The following XYLB variants were observed in gnomAD, a reference collection of about 807,000 sequenced individuals.
The protein encoded by XYLB is xylulokinase.
Under a neutral mutation model 78.7 loss-of-function variants are expected in XYLB, and 62 were observed. The observed-to-expected ratio is 0.79, with a 90% confidence interval of 0.64 to 0.97. The LOEUF is 0.97. Among genes scored for constraint, XYLB ranks in the 50% least tolerant of loss-of-function variants. The pLI, the probability that XYLB is intolerant of heterozygous loss-of-function variation, is 0.00. For synonymous variants in XYLB, 245 were observed against 247.4 expected (o/e 0.99, Z 0.09); for missense variants, 687 against 676.8 (o/e 1.02, Z -0.17).
chr3:38,443,730 G>A, the XYLB span, among the ~76,000 whole-genome samples: 1 of 152,126 alleles, frequency 6.6e-6, no homozygotes. Context: ...TATCTTTTAG[G>A]ATAAATTGAC....
chr3:38,402,722 A>T (rs1030047965), intron 18 of XYLB, among the ~76,000 whole-genome samples: 8 of 152,136 alleles, frequency 5.3e-5, no homozygotes, highest in South Asian at 2.1e-4. Context: ...CTTAAAAAGA[A>T]TCCTTGACCA....
intron 18 of XYLB, among the ~76,000 whole-genome samples, chr3:38,406,806 A>G (rs1026944426): frequency 1.2e-4 from 18 of 152,220 alleles, no homozygotes; most frequent in Admixed American, 5.9e-4. Flanking sequence ...AAATGAATGA[A>G]ATGAAGTGAG....
chr3:38,381,559 A>G (rs1019953656), intron 15 of XYLB, among the ~76,000 whole-genome samples: 1 of 152,234 alleles, frequency 6.6e-6, no homozygotes, highest in South Asian at 2.1e-4. Context: ...CAAATGGGAA[A>G]AATATCGCTG....
chr3:38,424,783 CTT>C (rs1387662203), downstream of XYLB, among the ~76,000 whole-genome samples: 3 of 152,310 alleles, frequency 2.0e-5, no homozygotes, highest in East Asian at 5.8e-4. Flanking sequence ...CAACTGATGA[CTT>C]TATTTACCCA....
At chr3:38,352,779 A>G (rs975285809) in intron 2 of XYLB, among the ~76,000 whole-genome samples, 6 of 152,146 alleles carry the variant, frequency 3.9e-5, no homozygotes, top group African/African-American at 1.4e-4. Flanking sequence ...ACTGTACTCC[A>G]GTTTGAGGGA....
At chr3:38,372,922 A>C in intron 10 of XYLB, among the ~76,000 whole-genome samples, 186 bp downstream of exon 10, 1 of 146,784 alleles carries the variant, frequency 6.8e-6, no homozygotes, top group Non-Finnish European at 1.5e-5. Context: ...ATTCCTCACC[A>C]CTCCCACCCT....
intron 18 of XYLB, among the ~76,000 whole-genome samples, chr3:38,405,827 G>T (rs530370709): frequency 3.3e-5 from 5 of 152,252 alleles, no homozygotes; most frequent in Admixed American, 3.3e-4. Context: ...CAGCCAGGCT[G>T]GGGGAGGGGC....
chr3:38,350,900 G>A (rs1705321068), intron 2 of XYLB, among the ~76,000 whole-genome samples: 1 of 151,918 alleles, frequency 6.6e-6, no homozygotes, highest in Admixed American at 6.6e-5. Flanking sequence ...CCAGCACTTT[G>A]GGAGGCTGAA....
chr3:38,399,068 ACTT>A (rs947882096), intron 17 of XYLB, among the ~76,000 whole-genome samples: 8 of 151,572 alleles, frequency 5.3e-5, no homozygotes, highest in South Asian at 2.1e-4. Flanking sequence ...AAAAAAACAA[ACTT>A]CTTCTTCTTT....
Position 38,365,604 on chromosome 3 carries a change from C to T in XYLB, c.379-4C>T. On this transcript the variant is annotated splice_region_variant and splice_polypyrimidine_tract_variant and intron_variant, in intron 5 of 18. Transcript: ENST00000207870. ...TAAGCCTGTGCCTTTGCCCTCCTTCCCAGGACTGTTTCTCCATCAGCGACT... is the reference window on the plus strand; with the variant it reads ...TAAGCCTGTGCCTTTGCCCTCCTTCTCAGGACTGTTTCTCCATCAGCGACT... The T allele has an allele frequency of 6.2e-7, 1 of 1,610,452 alleles. No homozygotes were observed. Among genetic ancestry groups the T allele is most frequent in the Non-Finnish European group, 8.5e-7 (1 of 1,177,568 alleles).
At chr3:38,382,210 G>A (rs903020994) in intron 15 of XYLB, among the ~76,000 whole-genome samples, 2 of 152,196 alleles carry the variant, frequency 1.3e-5, no homozygotes, top group Admixed American at 1.3e-4. Context: ...GCCAGGCGTG[G>A]TGGCACATGC....
intron 2 of XYLB, among the ~76,000 whole-genome samples, chr3:38,350,776 T>C (rs1705313107): frequency 7.2e-5 from 3 of 41,780 alleles, no homozygotes; most frequent in South Asian, 3.6e-3. Flanking sequence ...TGATAAGTTA[T>C]AGTTTCATTT....
intron 15 of XYLB, among the ~76,000 whole-genome samples, chr3:38,381,366 C>G (rs1177534706): frequency 6.6e-6 from 1 of 152,080 alleles, no homozygotes; most frequent in Non-Finnish European, 1.5e-5. Context: ...CGCCTCAGGA[C>G]CCTGTAATAA....
At chr3:38,431,861 A>G in the XYLB span, among the ~76,000 whole-genome samples, 1 of 152,172 alleles carries the variant, frequency 6.6e-6, no homozygotes, top group African/African-American at 2.4e-5. Flanking sequence ...AGAACTCACT[A>G]TCATTAGAAC....
intron 18 of XYLB, among the ~76,000 whole-genome samples, chr3:38,405,766 G>A (rs559057805): frequency 2.0e-4 from 31 of 152,344 alleles, no homozygotes; most frequent in African/African-American, 6.5e-4. Flanking sequence ...CTACGCCCAC[G>A]GAGTCTTGCT....
At chr3:38,442,445 CGTCCACATAA>C in the XYLB span, among the ~76,000 whole-genome samples, 1 of 152,112 alleles carries the variant, frequency 6.6e-6, no homozygotes, top group Non-Finnish European at 1.5e-5. Flanking sequence ...GGGGCAAGAC[CGTCCACATAA>C]GTTGGGATGT....
intron 2 of XYLB, among the ~76,000 whole-genome samples, chr3:38,358,663 G>A (rs1705809278): frequency 6.6e-6 from 1 of 152,092 alleles, no homozygotes; most frequent in African/African-American, 2.4e-5. Flanking sequence ...GTTTTAAGTT[G>A]TTAAATACAT....
At chr3:38,360,444 AGG>A (rs1705905776) in intron 3 of XYLB, 36 bp downstream of exon 3, 1 of 1,527,812 alleles carries the variant, frequency 6.5e-7, no homozygotes, top group African/African-American at 1.4e-5. Context: ...TTCTATCCCC[AGG>A]CTGTCTCACT....
intron 9 of XYLB, 68 bp from the exon 10 acceptor site, chr3:38,372,587 T>C (rs1050538706): frequency 1.9e-6 from 3 of 1,610,522 alleles, no homozygotes; most frequent in Non-Finnish European, 1.7e-6. Flanking sequence ...GCCTGAAGGG[T>C]GGGTGGCTGT....
Sources: gnomAD v4.1 joint callset for allele counts (sites outside exome capture counted in the v4.1 genomes callset) on GRCh38, gnomAD v4.1.1 for gene constraint, MANE v1.5 for transcripts, NCBI Gene and HGNC (gene_info 2026-07-23, HGNC 2026-07-21) for gene names.